Variants in CHST12 observed in about 807,000 individuals in gnomAD.
CHST12 encodes the protein carbohydrate sulfotransferase 12.
A neutral mutation model predicts 27.9 loss-of-function variants in CHST12; 23 were observed. That is an observed-to-expected ratio of 0.82 (90% CI 0.59 to 1.17). The LOEUF is 1.17. CHST12 is among the 50% of genes most tolerant of loss of function. The pLI, the probability that CHST12 is intolerant of heterozygous loss-of-function variation, is 0.00. For missense variants in CHST12, 682 were observed against 603.0 expected (o/e 1.13, Z -1.37); for synonymous variants, 322 against 273.0 (o/e 1.18, Z -1.77).
chr7:2,423,143 C>T (rs544003671), intron 1 of CHST12, among the ~76,000 whole-genome samples: 265 of 151,864 alleles, frequency 1.7e-3, no homozygotes, highest in African/African-American at 5.7e-3. Context: ...GGGCATGGTG[C>T]GTGCCTGTGG....
chr7:2,425,036 T>A (rs183814408), intron 1 of CHST12, among the ~76,000 whole-genome samples: 110 of 151,936 alleles, frequency 7.2e-4, no homozygotes, highest in African/African-American at 2.6e-3. Context: ...TGAAACTCCA[T>A]CTCTACTAAA....
chr7:2,405,702 C>T (rs566564159), intron 1 of CHST12, among the ~76,000 whole-genome samples: 19 of 151,982 alleles, frequency 1.3e-4, no homozygotes, highest in Non-Finnish European at 2.6e-4. Flanking sequence ...TGGGCGGTGG[C>T]GCTTTGTGAG....
intron 1 of CHST12, among the ~76,000 whole-genome samples, chr7:2,415,551 G>A (rs182438873): frequency 6.6e-6 from 1 of 152,102 alleles, no homozygotes; most frequent in East Asian, 1.9e-4. Flanking sequence ...GATGTTGATA[G>A]CTGCTGATTG....
Position 2,439,255 on chromosome 7 carries a change from C to G in CHST12, c.*5371C>G, listed in dbSNP as rs755246928. ...TGACCTGAGGATGCAGGGCACTGTT[C>G]ACGTGGACATGAGCCGTTTCTTAGC... On this transcript the variant is annotated 3_prime_UTR_variant, in exon 2 of 2. Coordinates refer to ENST00000618655, the MANE Select transcript of CHST12 (RefSeq NM_018641.5). 6 of 152,108 alleles carry G rather than the reference C, an allele frequency of 3.9e-5. No homozygotes were observed. The highest frequency in any genetic ancestry group is 5.9e-5 in the Non-Finnish European group (4 of 68,024). 9.4% of individuals were successfully genotyped at this position (152,108 alleles called of 1,614,324 possible).
At chr7:2,417,175 T>A (rs1781832544) in intron 1 of CHST12, among the ~76,000 whole-genome samples, 1 of 151,672 alleles carries the variant, frequency 6.6e-6, no homozygotes, top group Non-Finnish European at 1.5e-5. Flanking sequence ...CGAAGACCAA[T>A]GTCCCAGCTC....
At chr7:2,406,169 G>A (rs1781519228) in intron 1 of CHST12, among the ~76,000 whole-genome samples, 1 of 152,112 alleles carries the variant, frequency 6.6e-6, no homozygotes, top group Non-Finnish European at 1.5e-5. Flanking sequence ...GAGAGTAGCT[G>A]TTAGTTTCAC....
In CHST12 at chr7:2,432,747, G is replaced by A; in HGVS notation, c.108G>A (p.Leu36=). 2 of 1,613,880 alleles carry A rather than the reference G, an allele frequency of 1.2e-6. No homozygotes were observed. The highest frequency in any genetic ancestry group is 1.7e-6 in the Non-Finnish European group (2 of 1,179,858). The part of the protein sequence containing the change: ...WDSAGAAHFY[L]HTSFSRPHTG... ...GCGCAGGCGCCGCGCACTTCTACTT[G>A]CACACGTCCTTCTCTAGGCCGCACA... Residue 36 remains leucine, a synonymous_variant, in exon 2 of 2, where the codon TTG becomes TTA. Coordinates refer to ENST00000618655, the MANE Select transcript of CHST12 (RefSeq NM_018641.5).
At position 2,433,928 on chromosome 7, in the gene CHST12, A is replaced by T. The variant is rs1341258508; in HGVS notation, c.*44A>T. 1.3e-6 allele frequency: 2 copies of T among 1,513,458 alleles called. No individual in the cohort carries two copies. Among genetic ancestry groups the T allele is most frequent in the Admixed American group, 2.2e-5 (1 of 45,240 alleles). 93.8% of individuals were successfully genotyped at this position (1,513,458 alleles called of 1,614,324 possible). A position where few individuals can be genotyped will look rare whatever the true frequency, so the allele number is the denominator to read the frequency against. On this transcript the variant is annotated 3_prime_UTR_variant, in exon 2 of 2. Coordinates refer to ENST00000618655, the MANE Select transcript of CHST12 (RefSeq NM_018641.5). This position sits in a 1 kb window ranked among gnomAD's most constrained non-coding sequence, Gnocchi z 6.1. ...TTCTCGCGTGCCTGGAACCTGACGC[A>T]CGCGCACTCCAGTTTTTTTATGACC...
Position 2,438,344 on chromosome 7 carries a change from C to T in CHST12, c.*4460C>T, listed in dbSNP as rs1057080910. ...CTGGGTTCCTGGTGGTGCTCCCCTC[C>T]ATGTGTGCTCACCCGCCTGTATGGA... On this transcript the variant is annotated 3_prime_UTR_variant, in exon 2 of 2. Coordinates refer to ENST00000618655, the MANE Select transcript of CHST12 (RefSeq NM_018641.5). 1 of 152,288 alleles carries T rather than the reference C, an allele frequency of 6.6e-6. No individual in the cohort carries two copies. The highest frequency in any genetic ancestry group is 1.5e-5 in the Non-Finnish European group (1 of 68,106). 9.4% of individuals were successfully genotyped at this position (152,288 alleles called of 1,614,324 possible).
chr7:2,418,591 A>G (rs1781873276), intron 1 of CHST12, among the ~76,000 whole-genome samples: 1 of 152,312 alleles, frequency 6.6e-6, no homozygotes, highest in Non-Finnish European at 1.5e-5. Flanking sequence ...AAATTACTTT[A>G]TGGCTTCAGT....
rs1371879879 is a variant in CHST12, at chr7:2,440,733, G to C, written c.*6849G>C. On this transcript the variant is annotated 3_prime_UTR_variant, in exon 2 of 2. Coordinates refer to ENST00000618655, the MANE Select transcript of CHST12 (RefSeq NM_018641.5). ...TCCAGAAACTGCCAAGAAGAATGCC[G>C]CCGCTCAGGTTTATCTGGTAGAATA... The C allele has an allele frequency of 6.6e-6, 1 of 152,172 alleles. No homozygotes were observed. The highest frequency in any genetic ancestry group is 1.5e-5 in the Non-Finnish European group (1 of 68,046). The allele number at this position is 152,172 out of a possible 1,614,324, so 9.4% of individuals were successfully genotyped here. A position where few individuals can be genotyped will look rare whatever the true frequency, so the allele number is the denominator to read the frequency against.
Position 2,438,098 on chromosome 7 carries a change from T to C in CHST12, c.*4214T>C, listed in dbSNP as rs1782516206. 6.6e-6 allele frequency: 1 copy of C among 152,284 alleles called. No homozygotes were observed. Among genetic ancestry groups the C allele is most frequent in the Admixed American group, 6.5e-5 (1 of 15,276 alleles). 9.4% of individuals were successfully genotyped at this position (152,284 alleles called of 1,614,324 possible). ...GCGTGTGCATTTTGTGAACACGTGGTCTGCTTCCTGGTGCAGACCAGGTCT... is the reference window on the plus strand; with the variant it reads ...GCGTGTGCATTTTGTGAACACGTGGCCTGCTTCCTGGTGCAGACCAGGTCT... On this transcript the variant is annotated 3_prime_UTR_variant, in exon 2 of 2. Transcript: ENST00000618655.
At chr7:2,427,283 G>C (rs1223692767) in intron 1 of CHST12, among the ~76,000 whole-genome samples, 1 of 152,178 alleles carries the variant, frequency 6.6e-6, no homozygotes, top group Non-Finnish European at 1.5e-5. Context: ...CAGCTTGCTA[G>C]AGCCCAGGAG....
At position 2,446,023 on chromosome 7, in the gene CHST12, T is replaced by G. The variant is rs1469441599; in HGVS notation, c.*12139T>G. 6.6e-6 allele frequency: 1 copy of G among 152,298 alleles called. No homozygotes were observed. The highest frequency in any genetic ancestry group is 1.5e-5 in the Non-Finnish European group (1 of 68,112). 9.4% of individuals were successfully genotyped at this position (152,298 alleles called of 1,614,324 possible). On this transcript the variant is annotated 3_prime_UTR_variant, in exon 2 of 2. Transcript: ENST00000618655. ...GGATCAGTGAGAACCCAGCCCTGGCTTTGCCCAGACCTCTCAAGGGCACTT... is the reference window on the plus strand; with the variant it reads ...GGATCAGTGAGAACCCAGCCCTGGCGTTGCCCAGACCTCTCAAGGGCACTT...
In CHST12 at chr7:2,432,635, G is replaced by T; in HGVS notation, c.-5G>T. ...CCGGAGAGGGCCCAGCCCGCCCGGGGCAGGATGACCAAGGCCCGGCTGTTC... is the reference window on the plus strand; with the variant it reads ...CCGGAGAGGGCCCAGCCCGCCCGGGTCAGGATGACCAAGGCCCGGCTGTTC... On this transcript the variant is annotated 5_prime_UTR_variant, in exon 2 of 2. Transcript: ENST00000618655. 6.2e-7 allele frequency: 1 copy of T among 1,603,624 alleles called. No homozygotes were observed. Among genetic ancestry groups the T allele is most frequent in the African/African-American group, 1.3e-5 (1 of 74,894 alleles).
At chr7:2,416,608 C>T (rs1046955823) in intron 1 of CHST12, among the ~76,000 whole-genome samples, 1 of 152,184 alleles carries the variant, frequency 6.6e-6, no homozygotes, top group Non-Finnish European at 1.5e-5. Flanking sequence ...GAAACAGAAA[C>T]AGATCTCAGT....
chr7:2,416,595 A>G (rs917260640), intron 1 of CHST12, among the ~76,000 whole-genome samples: 3 of 152,270 alleles, frequency 2.0e-5, no homozygotes, highest in South Asian at 2.1e-4. Context: ...GTTAGCAGGC[A>G]TGGAAACAGA....
chr7:2,442,154 T>C lies in CHST12; in HGVS notation c.*8270T>C, dbSNP rs1236378394. 3.9e-5 allele frequency: 6 copies of C among 152,208 alleles called. No individual in the cohort carries two copies. The highest frequency in any genetic ancestry group is 7.3e-5 in the Non-Finnish European group (5 of 68,044). The allele number at this position is 152,208 out of a possible 1,614,324, so 9.4% of individuals were successfully genotyped here. Reference sequence around the variant, plus strand: ...GATTTGTACAATATTTGTCCTTTTGTGTCTGGCTTCTTCATGTAGTATAAT... The same window carrying C: ...GATTTGTACAATATTTGTCCTTTTGCGTCTGGCTTCTTCATGTAGTATAAT... On this transcript the variant is annotated 3_prime_UTR_variant, in exon 2 of 2. Coordinates refer to ENST00000618655, the MANE Select transcript of CHST12 (RefSeq NM_018641.5).
At position 2,434,262 on chromosome 7, in the gene CHST12, CCTGT is replaced by C. The variant is rs1782410574; in HGVS notation, c.*383_*386del. The C allele has an allele frequency of 5.4e-6, 1 of 184,588 alleles. No individual in the cohort carries two copies. The highest frequency in any genetic ancestry group is 5.8e-5 in the Admixed American group (1 of 17,288). The allele number at this position is 184,588 out of a possible 1,614,324, so 11.4% of individuals were successfully genotyped here. A position where few individuals can be genotyped will look rare whatever the true frequency, so the allele number is the denominator to read the frequency against. ...GGCCTGCACTTGAAGTCAGGCCGCACCTGTCTGTTTTTGGAAGGGTAGCCGACAA... is the reference window on the plus strand; with the variant it reads ...GGCCTGCACTTGAAGTCAGGCCGCACCTGTTTTTGGAAGGGTAGCCGACAA... On this transcript the variant is annotated 3_prime_UTR_variant, in exon 2 of 2. Transcript: ENST00000618655.
Sources: allele counts gnomAD v4.1 joint callset (sites outside exome capture counted in the v4.1 genomes callset), GRCh38; gene constraint gnomAD v4.1.1; non-coding constraint Gnocchi (gnomAD v3.1); transcripts MANE v1.5; gene names NCBI Gene and HGNC (gene_info 2026-07-23, HGNC 2026-07-21).